The following SEMA3A variants were observed in gnomAD, a reference collection of about 807,000 sequenced individuals.
The protein encoded by SEMA3A is semaphorin 3A, also known as semaphorin-3A.
Under a neutral mutation model 97.9 loss-of-function variants are expected in SEMA3A, and 29 were observed. That is an observed-to-expected ratio of 0.30 (90% CI 0.22 to 0.40). The LOEUF is 0.40. Ranked by LOEUF, SEMA3A falls within the 10% of genes least tolerant of loss-of-function variation. The pLI is 1.00. For missense variants in SEMA3A, 763 were observed against 951.3 expected, an observed-to-expected ratio of 0.80 and a Z score of 2.60; for synonymous variants, 321 against 323.7, an observed-to-expected ratio of 0.99 and a Z score of 0.09.
At chr7:84,197,781 C>G (rs368294410), upstream of SEMA3A, among the ~76,000 whole-genome samples, 4 of 147,474 alleles carry the variant, frequency 2.7e-5, no homozygotes, top group East Asian at 2.0e-4. Context: ...GCTCCGTCCC[C>G]CAGGCTGGAG....
chr7:84,476,144 C>T (rs1806274266), intron 1 of SEMA3A, among the ~76,000 whole-genome samples: 1 of 151,930 alleles, frequency 6.6e-6, no homozygotes, highest in South Asian at 2.1e-4. Context: ...ATCATGAGGT[C>T]AGGAGTTCGA....
intron 1 of SEMA3A, among the ~76,000 whole-genome samples, chr7:84,474,689 A>T (rs1806234496): frequency 1.3e-5 from 2 of 152,108 alleles, no homozygotes; most frequent in Non-Finnish European, 2.9e-5. Context: ...CACATCATAA[A>T]CTGTTAATTA....
intron 1 of SEMA3A, among the ~76,000 whole-genome samples, chr7:84,179,593 T>C (rs1040372445): frequency 6.6e-6 from 1 of 152,130 alleles, no homozygotes; most frequent in Non-Finnish European, 1.5e-5. Flanking sequence ...ATTTGCTTTG[T>C]CATTGTGTGG....
At chr7:84,313,766 T>C (rs1801425574) in intron 2 of SEMA3A, among the ~76,000 whole-genome samples, 1 of 151,972 alleles carries the variant, frequency 6.6e-6, no homozygotes, top group Admixed American at 6.6e-5. Context: ...TGTACTTCTA[T>C]AAGCCCTCTC....
At chr7:84,400,637 T>G (rs1228254046) in intron 1 of SEMA3A, among the ~76,000 whole-genome samples, 2 of 151,982 alleles carry the variant, frequency 1.3e-5, no homozygotes, top group Non-Finnish European at 2.9e-5. Flanking sequence ...ATCTAGAAAA[T>G]AGCCTCAAAG....
upstream of SEMA3A, among the ~76,000 whole-genome samples, chr7:84,197,674 G>A (rs888053483): frequency 9.9e-5 from 15 of 150,772 alleles, no homozygotes; most frequent in African/African-American, 3.4e-4. Flanking sequence ...AGAATCTATC[G>A]GAATCTGGCT....
upstream of SEMA3A, among the ~76,000 whole-genome samples, chr7:84,196,744 G>A (rs867559066): frequency 6.6e-5 from 10 of 152,136 alleles, 1 homozygote; most frequent in Middle Eastern, 3.4e-3. Flanking sequence ...AATTCATGTC[G>A]CTTTGGGATT....
At chr7:84,051,251 T>G (rs1347980967) in intron 5 of SEMA3A, among the ~76,000 whole-genome samples, 85 of 151,962 alleles carry the variant, frequency 5.6e-4, no homozygotes, top group African/African-American at 1.9e-3. Context: ...GTGAAGAAAG[T>G]GATTGGTAGC....
At chr7:84,276,402 T>G (rs1268143796) in intron 3 of SEMA3A, among the ~76,000 whole-genome samples, 1 of 152,120 alleles carries the variant, frequency 6.6e-6, no homozygotes, top group Non-Finnish European at 1.5e-5. Context: ...AAACATTGCC[T>G]TATAATTGAT....
intron 1 of SEMA3A, among the ~76,000 whole-genome samples, chr7:84,471,666 G>A (rs1453258884): frequency 6.6e-6 from 1 of 152,050 alleles, no homozygotes; most frequent in Non-Finnish European, 1.5e-5. Context: ...GAGAGAAAGA[G>A]AGAATGAAAG....
intron 2 of SEMA3A, among the ~76,000 whole-genome samples, chr7:84,307,582 A>G (rs1320463885): frequency 1.3e-5 from 2 of 152,194 alleles, no homozygotes; most frequent in Non-Finnish European, 2.9e-5. Flanking sequence ...CTACTAAAGA[A>G]TAACTGATTT....
At chr7:84,022,014 G>C (rs986821110) in intron 6 of SEMA3A, among the ~76,000 whole-genome samples, 1 of 152,072 alleles carries the variant, frequency 6.6e-6, no homozygotes, top group African/African-American at 2.4e-5. Flanking sequence ...AGAAGAAGCT[G>C]TTCTTTTCTT....
At chr7:84,062,155 A>G (rs1793242798) in intron 4 of SEMA3A, among the ~76,000 whole-genome samples, 1 of 152,230 alleles carries the variant, frequency 6.6e-6, no homozygotes, top group African/African-American at 2.4e-5. Flanking sequence ...TAGTATTACC[A>G]GTATAGCAAA....
At chr7:84,318,678 G>A (rs370022162) in intron 2 of SEMA3A, among the ~76,000 whole-genome samples, 1 of 152,084 alleles carries the variant, frequency 6.6e-6, no homozygotes, top group Non-Finnish European at 1.5e-5. Context: ...GGATCAGTGG[G>A]CATAAAAAGC....
At chr7:84,267,626 G>T (rs1027598977) in intron 3 of SEMA3A, among the ~76,000 whole-genome samples, 1 of 151,970 alleles carries the variant, frequency 6.6e-6, no homozygotes, top group Non-Finnish European at 1.5e-5. Context: ...ATGAAGACGT[G>T]TGTCACAATT....
At chr7:84,400,861 A>C (rs745506691) in intron 1 of SEMA3A, among the ~76,000 whole-genome samples, 19 of 152,200 alleles carry the variant, frequency 1.2e-4, no homozygotes, top group Non-Finnish European at 2.5e-4. Context: ...TGGGTTTAGA[A>C]GAAATACCTC....
At chr7:84,166,569 CAAA>C (rs34318470) in intron 1 of SEMA3A, among the ~76,000 whole-genome samples, 19 of 133,278 alleles carry the variant, frequency 1.4e-4, no homozygotes, top group Admixed American at 1.5e-4. Context: ...AAAACTCCGT[CAAA>C]AAAAAAAAAA....
intron 1 of SEMA3A, among the ~76,000 whole-genome samples, chr7:84,474,199 ATTATT>A: frequency 6.6e-6 from 1 of 152,366 alleles, no homozygotes; most frequent in East Asian, 1.9e-4. Context: ...AAAACAGTCT[ATTATT>A]TTAAGTGAGA....
chr7:84,050,189 C>A (rs1792554779), intron 5 of SEMA3A, among the ~76,000 whole-genome samples: 1 of 152,012 alleles, frequency 6.6e-6, no homozygotes, highest in Non-Finnish European at 1.5e-5. Context: ...GTGCATGTGT[C>A]TTTATAGCAG....
Sources: gnomAD v4.1 joint callset for allele counts (sites outside exome capture counted in the v4.1 genomes callset) on GRCh38, gnomAD v4.1.1 for gene constraint, MANE v1.5 for transcripts, NCBI Gene and HGNC (gene_info 2026-07-23, HGNC 2026-07-21) for gene names.